PDE10A: variants seen among roughly 807,000 people sequenced by gnomAD.
PDE10A encodes the protein cAMP and cAMP-inhibited cGMP 3',5'-cyclic phosphodiesterase 10A.
PDE10A carries 39 observed loss-of-function variants against 97.7 expected under a neutral mutation model. That is an observed-to-expected ratio of 0.40 (90% CI 0.31 to 0.52). PDE10A has a LOEUF of 0.52. Among genes scored for constraint, PDE10A ranks in the 20% least tolerant of loss-of-function variants. The pLI, the probability that PDE10A is intolerant of heterozygous loss-of-function variation, is 0.56. For missense variants in PDE10A, 731 were observed against 1,047.8 expected (o/e 0.70, Z 4.17); for synonymous variants, 371 against 376.8 (o/e 0.98, Z 0.18).
At chr6:165,721,791 T>C (rs1231464226) in intron 1 of PDE10A, among the ~76,000 whole-genome samples, 1 of 152,198 alleles carries the variant, frequency 6.6e-6, no homozygotes, top group African/African-American at 2.4e-5. Flanking sequence ...ACTTAATTGA[T>C]TATGATGTTT....
intron 1 of PDE10A, among the ~76,000 whole-genome samples, chr6:165,839,838 ATTCTT>A (rs1562762412): frequency 8.0e-5 from 4 of 49,974 alleles, no homozygotes; most frequent in Admixed American, 2.0e-4. Context: ...TCTCGTCTCC[ATTCTT>A]ATCATCTCCA....
chr6:165,945,138 T>C (rs1278457648), intron 1 of PDE10A, among the ~76,000 whole-genome samples: 1 of 152,180 alleles, frequency 6.6e-6, no homozygotes, highest in Non-Finnish European at 1.5e-5. Context: ...AGCTTCTGAC[T>C]TGGTTGCTTA....
At chr6:165,554,713 CTCT>C (rs1315879627) in intron 1 of PDE10A, among the ~76,000 whole-genome samples, 1 of 152,112 alleles carries the variant, frequency 6.6e-6, no homozygotes, top group African/African-American at 2.4e-5. Flanking sequence ...ACCTGAACTC[CTCT>C]GTTTGTTGCA....
intron 1 of PDE10A, among the ~76,000 whole-genome samples, chr6:165,945,539 G>A (rs183399386): frequency 8.3e-4 from 126 of 152,296 alleles, no homozygotes; most frequent in Non-Finnish European, 1.6e-3. Context: ...TAGGTCATGA[G>A]GGTGTAGCCT....
intron 1 of PDE10A, among the ~76,000 whole-genome samples, chr6:165,910,208 C>G (rs919589668): frequency 6.6e-6 from 1 of 152,016 alleles, no homozygotes; most frequent in Non-Finnish European, 1.5e-5. Flanking sequence ...GAGATGGGGC[C>G]GACCAGTGTT....
rs1282508886 is a variant in PDE10A at position 165,617,931 on chromosome 6, T to C, written c.865+44016A>G. Among the ~76,000 whole-genome samples the C allele has an allele frequency of 2.6e-5, 4 of 151,960 alleles. No individual in the cohort carries two copies. In the East Asian group the frequency reaches 7.7e-4, roughly 29 times the overall value. On this transcript the variant is annotated intron_variant, in intron 1 of 21. Transcript: ENST00000539869. ...CCCCAAGCAGATTATACATATTAAT[T>C]AAATGGTAGAGAAGTCAGGCACAGT...
intron 1 of PDE10A, among the ~76,000 whole-genome samples, chr6:165,638,363 G>A (rs888821959): frequency 1.3e-5 from 2 of 152,270 alleles, no homozygotes; most frequent in African/African-American, 2.4e-5. Context: ...TAACAAAGAG[G>A]AAGGACGAGA....
At chr6:165,812,448 C>T (rs34588164) in intron 1 of PDE10A, among the ~76,000 whole-genome samples, 1 of 151,748 alleles carries the variant, frequency 6.6e-6, no homozygotes, top group Non-Finnish European at 1.5e-5. Context: ...AAAAAAGTGT[C>T]CTCTCATTAA....
chr6:165,964,376 G>A (rs1784445072), intron 1 of PDE10A, among the ~76,000 whole-genome samples: 3 of 152,166 alleles, frequency 2.0e-5, no homozygotes, highest in Admixed American at 2.0e-4. Context: ...ATTGTTCATA[G>A]GACTTATTTT....
At chr6:165,663,512 C>G (rs1437889980), upstream of PDE10A, among the ~76,000 whole-genome samples, 1 of 152,224 alleles carries the variant, frequency 6.6e-6, no homozygotes, top group Non-Finnish European at 1.5e-5. Context: ...TCGGCCTGCC[C>G]GTTGCCCGAG....
chr6:165,743,777 C>T (rs1397326916), intron 1 of PDE10A, among the ~76,000 whole-genome samples: 1 of 152,232 alleles, frequency 6.6e-6, no homozygotes, highest in Non-Finnish European at 1.5e-5. Context: ...GCGACATGTT[C>T]CGACTCCCTG....
intron 1 of PDE10A, among the ~76,000 whole-genome samples, chr6:165,846,158 G>GC (rs1780412235): frequency 6.6e-6 from 1 of 152,150 alleles, no homozygotes; most frequent in African/African-American, 2.4e-5. Context: ...AGCTGTTAAT[G>GC]CCCCCATGCA....
chr6:165,386,605 A>G (rs1221654433), intron 17 of PDE10A, among the ~76,000 whole-genome samples: 1 of 152,184 alleles, frequency 6.6e-6, no homozygotes, highest in African/African-American at 2.4e-5. Context: ...TAGCTGTCAT[A>G]AAGTTTTAGA....
At chr6:165,626,529 T>C (rs935546584) in intron 1 of PDE10A, among the ~76,000 whole-genome samples, 6 of 152,244 alleles carry the variant, frequency 3.9e-5, no homozygotes, top group Non-Finnish European at 8.8e-5. Flanking sequence ...ATGTTTGGAA[T>C]ATACAATTTT....
chr6:165,553,224 T>G lies in PDE10A; in HGVS notation c.866-9656A>C, dbSNP rs527486111. Among the ~76,000 whole-genome samples the G allele has an allele frequency of 2.2e-3, 336 of 152,264 alleles. 2 individuals carry two copies. The South Asian group carries it at 0.024, about 11-fold the overall frequency. ...TAGATAGGCTCTAAATTTCTTTTTT[T>G]GGGGAGGAGGGGGGTGTCTTTTTTT... is the stretch of plus-strand genomic sequence containing the variant. On this transcript the variant is annotated intron_variant, in intron 1 of 21. Coordinates refer to ENST00000539869, the MANE Select transcript of PDE10A (RefSeq NM_001385079.1).
chr6:165,399,695 G>A (rs1230351818), intron 13 of PDE10A, among the ~76,000 whole-genome samples: 2 of 151,684 alleles, frequency 1.3e-5, no homozygotes, highest in East Asian at 1.9e-4. Flanking sequence ...CTGTCCTTGC[G>A]ATAGTTTGCG....
At chr6:165,339,435 C>T in intron 19 of PDE10A, 77 bp from the exon 20 acceptor site, 7 of 876,462 alleles carry the variant, frequency 8.0e-6, no homozygotes, top group Middle Eastern at 2.2e-4. Flanking sequence ...TGAATTATTC[C>T]CTTTATTCCT....
intron 1 of PDE10A, among the ~76,000 whole-genome samples, chr6:165,928,476 G>C (rs565151893): frequency 1.3e-5 from 2 of 152,206 alleles, no homozygotes; most frequent in Admixed American, 1.3e-4. Flanking sequence ...TAACCGCCAG[G>C]CATGGGGTGT....
rs6923834 is a variant in PDE10A, at chr6:165,430,938, T to C, written c.1542+484A>G. Among the ~76,000 whole-genome samples the C allele has an allele frequency of 4.2e-3, 644 of 152,290 alleles. 7 individuals carry two copies. Among genetic ancestry groups the C allele is most frequent in the African/African-American group, 0.015 (619 of 41,572 alleles). The stretch of plus-strand genomic sequence containing the variant: ...GAACGCTATATTGCTACCATGTTCT[T>C]GAACTTTAAAGTCTAACCACCAGTA... On this transcript the variant is annotated intron_variant, in intron 8 of 21. Transcript: ENST00000539869.
Sources: allele counts gnomAD v4.1 joint callset (sites outside exome capture counted in the v4.1 genomes callset), GRCh38; gene constraint gnomAD v4.1.1; transcripts MANE v1.5; gene names NCBI Gene and HGNC (gene_info 2026-07-23, HGNC 2026-07-21).